The following PIP5K1B variants were observed in gnomAD, a reference collection of about 807,000 sequenced individuals.
PIP5K1B encodes the protein phosphatidylinositol 4-phosphate 5-kinase type-1 beta.
PIP5K1B carries 42 observed loss-of-function variants against 67.0 expected under a neutral mutation model. The ratio of observed to expected loss-of-function variants is 0.63; its 90% CI spans 0.49 to 0.81. The LOEUF (loss-of-function observed/expected upper bound fraction) is 0.81, where lower values mean the gene tolerates loss of function less well. Ranked by LOEUF, PIP5K1B falls within the 30% of genes least tolerant of loss-of-function variation. PIP5K1B has a pLI of 0.00. For synonymous variants in PIP5K1B, 214 were observed against 231.4 expected (o/e 0.92, Z 0.68); for missense variants, 459 against 646.3 (o/e 0.71, Z 3.14).
chr9:68,755,313 C>A (rs1222179329), intron 2 of PIP5K1B, among the ~76,000 whole-genome samples: 1 of 152,154 alleles, frequency 6.6e-6, no homozygotes, highest in Non-Finnish European at 1.5e-5. Context: ...AGCACCATGG[C>A]ACCTTGAAAG....
chr9:68,994,364 A>AT (rs1830518317), intron 15 of PIP5K1B, among the ~76,000 whole-genome samples: 1 of 152,162 alleles, frequency 6.6e-6, no homozygotes, highest in African/African-American at 2.4e-5. Context: ...GTATTCATTA[A>AT]TTTAAAACAG....
At chr9:68,758,763 G>C (rs1263227247) in intron 2 of PIP5K1B, among the ~76,000 whole-genome samples, 2 of 151,988 alleles carry the variant, frequency 1.3e-5, no homozygotes, top group African/African-American at 4.8e-5. Flanking sequence ...GATTCAAGAA[G>C]CTCATAAAAC....
intron 4 of PIP5K1B, among the ~76,000 whole-genome samples, chr9:68,831,819 G>A (rs2132112371): frequency 6.6e-6 from 1 of 152,114 alleles, no homozygotes; most frequent in Non-Finnish European, 1.5e-5. Flanking sequence ...GGGATTACAG[G>A]TGCCCACCAC....
chr9:68,889,380 C>CA (rs576199207), intron 7 of PIP5K1B, among the ~76,000 whole-genome samples: 104 of 152,258 alleles, frequency 6.8e-4, no homozygotes, highest in African/African-American at 2.3e-3. Flanking sequence ...CAATAATTAA[C>CA]TGTGTGACCC....
At chr9:68,863,762 A>G in intron 4 of PIP5K1B, 75 bp from the exon 5 acceptor site, 2 of 1,279,582 alleles carry the variant, frequency 1.6e-6, no homozygotes, top group Middle Eastern at 1.9e-4. Flanking sequence ...AACCTCACTC[A>G]TGTTTTGTTG....
At chr9:68,864,075 G>A in intron 5 of PIP5K1B, 108 bp downstream of exon 5, 1 of 982,300 alleles carries the variant, frequency 1.0e-6, no homozygotes, top group Non-Finnish European at 1.5e-6. Flanking sequence ...GTACAGATGT[G>A]AATATTGGGC....
intron 2 of PIP5K1B, among the ~76,000 whole-genome samples, chr9:68,755,262 G>T (rs557350563): frequency 6.6e-6 from 1 of 152,302 alleles, no homozygotes; most frequent in East Asian, 1.9e-4. Flanking sequence ...CTTTCCCAAA[G>T]AATCCACTTT....
At chr9:68,740,113 G>A (rs1432742052) in intron 1 of PIP5K1B, among the ~76,000 whole-genome samples, 1 of 152,118 alleles carries the variant, frequency 6.6e-6, no homozygotes, top group African/African-American at 2.4e-5. Flanking sequence ...TAAGATAAAG[G>A]GAGCAAAACA....
intron 2 of PIP5K1B, among the ~76,000 whole-genome samples, chr9:68,814,939 T>C (rs1447605414): frequency 6.6e-6 from 1 of 152,230 alleles, no homozygotes; most frequent in African/African-American, 2.4e-5. Flanking sequence ...TTTTCTCTTT[T>C]GTCTATAGAA....
At chr9:68,778,553 GTC>G (rs1831041843) in intron 2 of PIP5K1B, among the ~76,000 whole-genome samples, 1 of 152,094 alleles carries the variant, frequency 6.6e-6, no homozygotes, top group Admixed American at 6.5e-5. Flanking sequence ...CATATCCTCA[GTC>G]TCTCTGCTTC....
chr9:68,978,637 A>G (rs1030398261), intron 14 of PIP5K1B, among the ~76,000 whole-genome samples: 4 of 152,258 alleles, frequency 2.6e-5, no homozygotes, highest in Non-Finnish European at 4.4e-5. Context: ...GGCACTCAGT[A>G]TACATTTGAA....
intron 5 of PIP5K1B, among the ~76,000 whole-genome samples, chr9:68,874,781 A>G (rs928085987): frequency 1.3e-5 from 2 of 152,140 alleles, no homozygotes; most frequent in African/African-American, 4.8e-5. Context: ...GGTGAAAAAG[A>G]GAGAAGAAAT....
chr9:68,768,701 A>T (rs970525918), intron 2 of PIP5K1B, among the ~76,000 whole-genome samples: 2 of 152,210 alleles, frequency 1.3e-5, no homozygotes, highest in Non-Finnish European at 2.9e-5. Context: ...AACCTCTATT[A>T]AAAAATTAGA....
At chr9:68,897,000 C>G (rs1213628549) in intron 8 of PIP5K1B, among the ~76,000 whole-genome samples, 4 of 152,184 alleles carry the variant, frequency 2.6e-5, no homozygotes, top group Non-Finnish European at 4.4e-5. Context: ...AGGTCATCCT[C>G]TGAAAGGCCA....
At chr9:68,953,898 T>A (rs1052371357) in intron 14 of PIP5K1B, among the ~76,000 whole-genome samples, 3 of 151,014 alleles carry the variant, frequency 2.0e-5, no homozygotes, top group African/African-American at 7.3e-5. Flanking sequence ...CTGGTCAGAC[T>A]CCCTATAGGA....
At chr9:68,925,815 T>TTTTTTTTTTTTTTTTTA (rs1826669153) in intron 12 of PIP5K1B, among the ~76,000 whole-genome samples, 1 of 145,714 alleles carries the variant, frequency 6.9e-6, no homozygotes, top group Admixed American at 6.9e-5. Flanking sequence ...TTTTTTTTTT[T>TTTTTTTTTTTTTTTTTA]GAGACAGGGT....
chr9:68,824,301 T>C (rs945703205), intron 4 of PIP5K1B: 13 of 514,902 alleles, frequency 2.5e-5, no homozygotes, highest in African/African-American at 2.5e-4. Context: ...CTGCAAAAGT[T>C]ATAGAAAAAA....
chr9:68,814,220 G>A (rs117854776), intron 2 of PIP5K1B, among the ~76,000 whole-genome samples: 1 of 152,270 alleles, frequency 6.6e-6, no homozygotes, highest in Non-Finnish European at 1.5e-5. Flanking sequence ...TGTCTACACA[G>A]CAAGCCGAGC....
intron 2 of PIP5K1B, chr9:68,779,925 G>T (rs1188040909): frequency 4.3e-6 from 2 of 462,184 alleles, no homozygotes; most frequent in East Asian, 6.9e-5. Context: ...AGGAATATAC[G>T]GACTAGCGGC....
Sources: allele counts gnomAD v4.1 joint callset (sites outside exome capture counted in the v4.1 genomes callset), GRCh38; gene constraint gnomAD v4.1.1; transcripts MANE v1.5; gene names NCBI Gene and HGNC (gene_info 2026-07-23, HGNC 2026-07-21).